Variants in PLAG1 observed in about 807,000 individuals in gnomAD.
PLAG1 encodes the protein PLAG1 zinc finger, also known as zinc finger protein PLAG1.
A neutral mutation model predicts 35.5 loss-of-function variants in PLAG1; 7 were observed. That is an observed-to-expected ratio of 0.20 (90% CI 0.11 to 0.37). The LOEUF (loss-of-function observed/expected upper bound fraction) is 0.37, where lower values mean the gene tolerates loss of function less well. Among genes scored for constraint, PLAG1 ranks in the 10% least tolerant of loss-of-function variants. The probability of loss-of-function intolerance (pLI) is 1.00; values close to 1 mark genes in which losing one functional copy is unlikely to be tolerated. For synonymous variants in PLAG1, 229 were observed against 225.4 expected, an observed-to-expected ratio of 1.02 and a Z score of -0.14; for missense variants, 454 against 602.8, an observed-to-expected ratio of 0.75 and a Z score of 2.58.
intron 1 of PLAG1, among the ~76,000 whole-genome samples, chr8:56,197,032 G>A (rs1157911639): frequency 6.7e-6 from 1 of 150,030 alleles, no homozygotes; most frequent in East Asian, 2.0e-4. Context: ...TGGATCTCTG[G>A]GGCCCTCCCA....
At position 56,167,480 on chromosome 8, in the gene PLAG1, T is replaced by A. The variant is rs1410205148; in HGVS notation, c.266A>T (p.Glu89Val). 3 of 1,610,330 alleles carry A rather than the reference T, an allele frequency of 1.9e-6. No individual in the cohort carries two copies. Among genetic ancestry groups the A allele is most frequent in the South Asian group, 2.2e-5 (2 of 90,658 alleles). ...LQRHMATHSPEKTHKCNYCEK... is the reference protein window; with the variant it reads ...LQRHMATHSPVKTHKCNYCEK... ...ACAATAATTACACTTGTGGGTTTTC[T>A]CAGGAGAATGAGTAGCCATGTGCCT... Residue 89 changes from glutamate (E) to valine (V), a missense_variant, in exon 5 of 5, where the codon GAG becomes GTG. Glu to Val is a moderately radical substitution (Grantham distance 121, BLOSUM62 -2). Transcript: ENST00000316981. The surrounding 1 kb of genome is among the most constrained non-coding windows in gnomAD (Gnocchi z 5.9).
intron 1 of PLAG1, among the ~76,000 whole-genome samples, chr8:56,210,634 A>T (rs1812857911): frequency 6.6e-6 from 1 of 152,180 alleles, no homozygotes; most frequent in Non-Finnish European, 1.5e-5. Context: ...TTCCCCCGGG[A>T]TGTTTTGGTG....
At chr8:56,199,669 G>A (rs1030993167) in intron 1 of PLAG1, among the ~76,000 whole-genome samples, 2 of 152,064 alleles carry the variant, frequency 1.3e-5, no homozygotes, top group Non-Finnish European at 2.9e-5. Flanking sequence ...ATACAGCCCT[G>A]GGGCCCAGCC....
At chr8:56,176,007 A>G (rs907565489) in intron 2 of PLAG1, among the ~76,000 whole-genome samples, 18 of 151,712 alleles carry the variant, frequency 1.2e-4, no homozygotes, top group South Asian at 6.2e-4. Context: ...CGTTAAGTTA[A>G]AAGTTTTTTT....
At chr8:56,194,489 G>A (rs900317007) in intron 1 of PLAG1, among the ~76,000 whole-genome samples, 1 of 152,206 alleles carries the variant, frequency 6.6e-6, no homozygotes, top group African/African-American at 2.4e-5. Flanking sequence ...GCTCATGCAT[G>A]CAGTGGGTGC....
chr8:56,201,457 A>C (rs912688287), intron 1 of PLAG1, among the ~76,000 whole-genome samples: 2 of 152,192 alleles, frequency 1.3e-5, no homozygotes, highest in African/African-American at 4.8e-5. Flanking sequence ...TAAGTTGATA[A>C]ATTTCCCCAA....
chr8:56,192,862 C>G (rs1812228106), intron 1 of PLAG1, among the ~76,000 whole-genome samples: 1 of 152,028 alleles, frequency 6.6e-6, no homozygotes, highest in Non-Finnish European at 1.5e-5. Flanking sequence ...AGAACTCAGA[C>G]TTGGGGGAAA....
chr8:56,205,096 G>A (rs1224813284), intron 1 of PLAG1, among the ~76,000 whole-genome samples: 2 of 151,806 alleles, frequency 1.3e-5, no homozygotes, highest in Non-Finnish European at 3.0e-5. Context: ...CTTGTGAAAG[G>A]CTTTTTAAAT....
chr8:56,188,840 G>A (rs758881663), intron 1 of PLAG1, among the ~76,000 whole-genome samples: 5 of 152,184 alleles, frequency 3.3e-5, no homozygotes, highest in Admixed American at 6.5e-5. Flanking sequence ...ACTGTGATTC[G>A]CTGACCAGTG....
At chr8:56,168,714 A>T (rs1012431715) in intron 3 of PLAG1, among the ~76,000 whole-genome samples, 1 of 152,178 alleles carries the variant, frequency 6.6e-6, no homozygotes, top group Admixed American at 6.5e-5. Flanking sequence ...TTAAGCTTCA[A>T]TTTTTACAAA....
intron 1 of PLAG1, among the ~76,000 whole-genome samples, chr8:56,189,892 G>A (rs1167285433): frequency 6.6e-6 from 1 of 152,158 alleles, no homozygotes; most frequent in Non-Finnish European, 1.5e-5. Context: ...GTGTCTTAAG[G>A]AAAGTGGTGG....
chr8:56,170,180 TG>T (rs1416179715), intron 3 of PLAG1, among the ~76,000 whole-genome samples: 1 of 152,254 alleles, frequency 6.6e-6, no homozygotes, highest in Non-Finnish European at 1.5e-5. Context: ...TTGCTTCAGG[TG>T]TCTTTCTTTA....
intron 1 of PLAG1, among the ~76,000 whole-genome samples, chr8:56,195,523 G>T (rs1585815350): frequency 6.6e-6 from 1 of 152,326 alleles, no homozygotes; most frequent in African/African-American, 2.4e-5. Context: ...GCCAGCAGGG[G>T]AGAACATGCA....
At chr8:56,186,217 G>C (rs1171022858) in intron 1 of PLAG1, among the ~76,000 whole-genome samples, 1 of 152,040 alleles carries the variant, frequency 6.6e-6, no homozygotes, top group Admixed American at 6.6e-5. Flanking sequence ...TTAAGTGTAG[G>C]TGCCTATACA....
chr8:56,187,710 T>C (rs1812060425), intron 1 of PLAG1, among the ~76,000 whole-genome samples: 1 of 152,196 alleles, frequency 6.6e-6, no homozygotes, highest in African/African-American at 2.4e-5. Flanking sequence ...ATGGAATCTT[T>C]GAAGGACAAA....
intron 3 of PLAG1, among the ~76,000 whole-genome samples, chr8:56,170,295 T>C (rs1052097960): frequency 3.3e-5 from 5 of 152,218 alleles, no homozygotes; most frequent in African/African-American, 1.2e-4. Flanking sequence ...TTACCAATGG[T>C]AACATATGTT....
intron 1 of PLAG1, among the ~76,000 whole-genome samples, chr8:56,191,139 G>A (rs986588958): frequency 6.6e-6 from 1 of 152,176 alleles, no homozygotes; most frequent in Non-Finnish European, 1.5e-5. Flanking sequence ...GCTGCTTTTA[G>A]ATCACCCAGT....
At chr8:56,172,022 A>G (rs4623387) in intron 2 of PLAG1, among the ~76,000 whole-genome samples, 1 of 152,216 alleles carries the variant, frequency 6.6e-6, no homozygotes, top group African/African-American at 2.4e-5. Context: ...AGAGAGCACA[A>G]GGCATGAGAG....
chr8:56,205,366 A>G (rs1034877670), intron 1 of PLAG1, among the ~76,000 whole-genome samples: 1 of 151,886 alleles, frequency 6.6e-6, no homozygotes, highest in Non-Finnish European at 1.5e-5. Flanking sequence ...CTGAATAACC[A>G]TTACAAATTA....
Sources: gnomAD v4.1 joint callset for allele counts (sites outside exome capture counted in the v4.1 genomes callset) on GRCh38, gnomAD v4.1.1 for gene constraint, Gnocchi (gnomAD v3.1) non-coding constraint, MANE v1.5 for transcripts, NCBI Gene and HGNC (gene_info 2026-07-23, HGNC 2026-07-21) for gene names.